GPR158: variants seen among roughly 807,000 people sequenced by gnomAD.
GPR158 encodes the protein G protein-coupled receptor 158.
A neutral mutation model predicts 78.2 loss-of-function variants in GPR158; 30 were observed. The ratio of observed to expected loss-of-function variants is 0.38; its 90% CI spans 0.29 to 0.52. GPR158 has a LOEUF of 0.52. Among genes scored for constraint, GPR158 ranks in the 20% least tolerant of loss-of-function variants. The probability of loss-of-function intolerance (pLI) is 0.83; values close to 1 mark genes in which losing one functional copy is unlikely to be tolerated. For missense variants in GPR158, 1,463 were observed against 1,523.5 expected (o/e 0.96, Z 0.66); for synonymous variants, 581 against 591.1 (o/e 0.98, Z 0.25).
intron 2 of GPR158, among the ~76,000 whole-genome samples, chr10:25,315,283 G>A (rs1854831825): frequency 6.6e-6 from 1 of 152,000 alleles, no homozygotes; most frequent in Admixed American, 6.6e-5. Context: ...TAATAAAGGT[G>A]GTTGCTGTGT....
rs1837033280 is a variant in GPR158, at chr10:25,573,035, T to G, written c.1753+148T>G. On this transcript the variant is annotated intron_variant, in intron 7 of 10. Transcript: ENST00000376351. ...TGGTAAGATAACATGGAAATGGCAG[T>G]AATGGCATGTGAGATGCAAACTTTT... 6.4e-6 allele frequency: 4 copies of G among 629,124 alleles called. No individual in the cohort carries two copies. In the South Asian group the frequency reaches 7.9e-5, roughly 12 times the overall value. The allele number at this position is 629,124 out of a possible 1,614,324, so 39.0% of individuals were successfully genotyped here.
intron 2 of GPR158, among the ~76,000 whole-genome samples, chr10:25,222,722 C>T (rs917973354): frequency 2.0e-5 from 3 of 151,902 alleles, no homozygotes; most frequent in South Asian, 4.1e-4. Flanking sequence ...AGCCACTTAG[C>T]GTTGTCTTTT....
At chr10:25,524,784 T>C in intron 5 of GPR158, among the ~76,000 whole-genome samples, 1 of 152,222 alleles carries the variant, frequency 6.6e-6, no homozygotes, top group East Asian at 1.9e-4. Flanking sequence ...AAATACATAG[T>C]TGATCTTTAT....
chr10:25,430,498 T>C (rs899244630), intron 4 of GPR158, among the ~76,000 whole-genome samples: 1 of 147,920 alleles, frequency 6.8e-6, no homozygotes, highest in Non-Finnish European at 1.5e-5. Flanking sequence ...CTTGAGAGAA[T>C]TGGAAAAAAC....
At chr10:25,448,389 C>T (rs967442046) in intron 4 of GPR158, among the ~76,000 whole-genome samples, 1 of 152,126 alleles carries the variant, frequency 6.6e-6, no homozygotes. Flanking sequence ...CACGGCTGGC[C>T]GTATCTGACT....
At chr10:25,302,668 C>T (rs1159593653) in intron 2 of GPR158, among the ~76,000 whole-genome samples, 3 of 152,080 alleles carry the variant, frequency 2.0e-5, no homozygotes, top group Non-Finnish European at 2.9e-5. Flanking sequence ...ATAACTTGTA[C>T]AATATGTAAA....
At chr10:25,441,374 G>A (rs759515918) in intron 4 of GPR158, among the ~76,000 whole-genome samples, 1 of 152,144 alleles carries the variant, frequency 6.6e-6, no homozygotes, top group African/African-American at 2.4e-5. Context: ...TTTGGAGTTT[G>A]CCCTTTCTGC....
Position 25,528,731 on chromosome 10 carries a change from C to T in GPR158, c.1405-22245C>T, listed in dbSNP as rs188024111. On this transcript the variant is annotated intron_variant, in intron 5 of 10. Coordinates refer to ENST00000376351, the MANE Select transcript of GPR158 (RefSeq NM_020752.3). ...AGAATCATTGTAATTGTAATCAAAA[C>T]CCCAGCGGGCTTTTCTTTTAGTAAT... Among the ~76,000 whole-genome samples, 502 of 152,198 alleles carry T rather than the reference C, an allele frequency of 3.3e-3. 14 individuals are homozygous for T. Among genetic ancestry groups the T allele is most frequent in the Non-Finnish European group, 9.6e-4 (65 of 67,992 alleles).
At chr10:25,376,356 GT>G (rs1195833679) in intron 2 of GPR158, among the ~76,000 whole-genome samples, 3 of 151,274 alleles carry the variant, frequency 2.0e-5, no homozygotes, top group Non-Finnish European at 3.0e-5. Flanking sequence ...AAATTATAGG[GT>G]TTTTTTGTTT....
At chr10:25,275,290 C>A (rs1854168706) in intron 2 of GPR158, among the ~76,000 whole-genome samples, 1 of 152,060 alleles carries the variant, frequency 6.6e-6, no homozygotes, top group Non-Finnish European at 1.5e-5. Flanking sequence ...TTTTGAAGTC[C>A]ACCCCAAACC....
intron 5 of GPR158, among the ~76,000 whole-genome samples, chr10:25,527,882 A>G (rs546068280): frequency 6.6e-6 from 1 of 152,258 alleles, no homozygotes; most frequent in African/African-American, 2.4e-5. Context: ...TGCAGAGATT[A>G]AAAGGATAAT....
At chr10:25,255,141 G>A (rs1273996154) in intron 2 of GPR158, among the ~76,000 whole-genome samples, 1 of 152,106 alleles carries the variant, frequency 6.6e-6, no homozygotes, top group African/African-American at 2.4e-5. Flanking sequence ...TTTGCAAATA[G>A]CTCTTTTACT....
chr10:25,544,484 G>A (rs1836633350), intron 5 of GPR158, among the ~76,000 whole-genome samples: 1 of 152,108 alleles, frequency 6.6e-6, no homozygotes, highest in Non-Finnish European at 1.5e-5. Context: ...TAGGTAATAT[G>A]TCTAGCATGG....
intron 4 of GPR158, among the ~76,000 whole-genome samples, chr10:25,444,513 G>A (rs997836336): frequency 2.6e-5 from 4 of 151,356 alleles, no homozygotes; most frequent in East Asian, 2.0e-4. Context: ...GCATGTATGC[G>A]TGTGGGTATG....
chr10:25,507,489 ATGT>A (rs1054459731), intron 5 of GPR158, among the ~76,000 whole-genome samples: 7 of 152,332 alleles, frequency 4.6e-5, no homozygotes, highest in African/African-American at 1.7e-4. Flanking sequence ...AGTAATTTTC[ATGT>A]TGTGTTTGTA....
At chr10:25,292,795 A>G (rs1854459016) in intron 2 of GPR158, among the ~76,000 whole-genome samples, 2 of 152,162 alleles carry the variant, frequency 1.3e-5, no homozygotes, top group South Asian at 2.1e-4. Flanking sequence ...TAGAAAAATA[A>G]TATTTTCCTG....
intron 2 of GPR158, among the ~76,000 whole-genome samples, chr10:25,307,356 T>G (rs1854692392): frequency 6.8e-6 from 1 of 146,556 alleles, no homozygotes; most frequent in Admixed American, 6.9e-5. Context: ...CAAAATGCCA[T>G]ACTCTCGTGT....
chr10:25,488,950 CTA>C (rs998572598), intron 5 of GPR158, among the ~76,000 whole-genome samples: 7 of 151,882 alleles, frequency 4.6e-5, no homozygotes, highest in African/African-American at 1.5e-4. Flanking sequence ...GGGAAAAAAA[CTA>C]TGATTTTACT....
intron 1 of GPR158, among the ~76,000 whole-genome samples, chr10:25,196,455 CTTGT>C (rs1852845863): frequency 6.6e-6 from 1 of 152,068 alleles, no homozygotes; most frequent in Non-Finnish European, 1.5e-5. Flanking sequence ...AGTTGTTTTG[CTTGT>C]TTATGTCTGT....
Sources: allele counts gnomAD v4.1 joint callset (sites outside exome capture counted in the v4.1 genomes callset), GRCh38; gene constraint gnomAD v4.1.1; transcripts MANE v1.5; gene names NCBI Gene and HGNC (gene_info 2026-07-23, HGNC 2026-07-21).